Variants in ARMH1 observed in about 807,000 individuals in gnomAD.
ARMH1 encodes the protein armadillo like helical domain containing 1.
A neutral mutation model predicts 50.2 loss-of-function variants in ARMH1; 34 were observed. The ratio of observed to expected loss-of-function variants is 0.68; its 90% CI spans 0.51 to 0.90. The LOEUF (loss-of-function observed/expected upper bound fraction) is 0.90, where lower values mean the gene tolerates loss of function less well. Among genes scored for constraint, ARMH1 ranks in the 40% least tolerant of loss-of-function variants. The pLI is 0.00. For synonymous variants in ARMH1, 221 were observed against 224.2 expected (o/e 0.99, Z 0.13); for missense variants, 538 against 553.9 (o/e 0.97, Z 0.29).
intron 2 of ARMH1, among the ~76,000 whole-genome samples, chr1:44,696,618 G>A (rs1385968312): frequency 6.6e-6 from 1 of 152,184 alleles, no homozygotes; most frequent in Non-Finnish European, 1.5e-5. Context: ...TTATTAGGAA[G>A]CCAATTCTTC....
intron 1 of ARMH1, among the ~76,000 whole-genome samples, chr1:44,685,604 C>T (rs1035743278): frequency 6.6e-6 from 1 of 151,736 alleles, no homozygotes; most frequent in African/African-American, 2.4e-5. Context: ...AGCCACCATA[C>T]CTGGCCAGAT....
At chr1:44,677,846 A>G (rs1471952963) in intron 1 of ARMH1, among the ~76,000 whole-genome samples, 1 of 152,184 alleles carries the variant, frequency 6.6e-6, no homozygotes, top group African/African-American at 2.4e-5. Context: ...TGACCCTTGA[A>G]GTAGTAAGGG....
chr1:44,701,114 G>A lies in ARMH1; in HGVS notation c.634G>A (p.Ala212Thr). ...GCTGTCCCTGCAGACTCTCAGGACT[G>A]CCCAGGTGAGCCAAGGCTGCATGCT... ...QQLSLQTLRT[A>T]QPIIGTTHPS... The change falls in exon 5 of 12, where the codon GCC becomes ACC. Residue 212 changes from alanine to threonine, a missense_variant. Coordinates refer to ENST00000535358, the MANE Select transcript of ARMH1 (RefSeq NM_001145636.2). 1 of 1,546,684 alleles carries A rather than the reference G, an allele frequency of 6.5e-7. No homozygotes were observed. Among genetic ancestry groups the A allele is most frequent in the Admixed American group, 2.0e-5 (1 of 49,878 alleles).
At chr1:44,712,230 G>A (rs537669647) in intron 6 of ARMH1, among the ~76,000 whole-genome samples, 229 of 152,246 alleles carry the variant, frequency 1.5e-3, no homozygotes, top group African/African-American at 5.0e-3. Flanking sequence ...AATCCAAGGC[G>A]GGCGGATCAC....
rs1645599773 is a variant in ARMH1 at position 44,689,897 on chromosome 1, G to GA, written c.202dup (p.Ile68AsnfsTer6). The GA allele has an allele frequency of 6.5e-7, 1 of 1,549,442 alleles. No homozygotes were observed. ...CTGGTACGCTTGACCACCTCGCTTA[G>GA]AATCACGTATCCTTTACTGAACAGA... On this transcript the variant is annotated frameshift_variant, in exon 2 of 12. Coordinates refer to ENST00000535358, the MANE Select transcript of ARMH1 (RefSeq NM_001145636.2). LOFTEE classifies it high-confidence loss of function.
At position 44,682,350 on chromosome 1, in the gene ARMH1, A is replaced by G. The variant is rs1201163719; in HGVS notation, c.-22-7326A>G. On this transcript the variant is annotated intron_variant, in intron 1 of 11. Coordinates refer to ENST00000535358, the MANE Select transcript of ARMH1 (RefSeq NM_001145636.2). The surrounding 1 kb of genome is among the most constrained non-coding windows in gnomAD (Gnocchi z 4.5). ...ACTGCGGCAAGGTAGAGAGGGAAAG[A>G]CAGATGGCCTGACCTCAGAGGAGGA... 2.0e-5 allele frequency among the ~76,000 whole-genome samples: 3 copies of G among 152,208 alleles called. No homozygotes were observed. Among genetic ancestry groups the G allele is most frequent in the Admixed American group, 6.5e-5 (1 of 15,278 alleles).
At chr1:44,712,863 C>T (rs1048084572) in intron 6 of ARMH1, among the ~76,000 whole-genome samples, 10 of 151,910 alleles carry the variant, frequency 6.6e-5, no homozygotes, top group Admixed American at 2.6e-4. Flanking sequence ...AGGGTTTCAC[C>T]GTGTTGGTCA....
chr1:44,678,076 T>C (rs1363156942), intron 1 of ARMH1, among the ~76,000 whole-genome samples: 1 of 151,760 alleles, frequency 6.6e-6, no homozygotes, highest in African/African-American at 2.4e-5. Flanking sequence ...CTTAGCTGAT[T>C]GGGAAGAAGG....
rs1214897561 is a variant in ARMH1 at position 44,697,149 on chromosome 1, T to C, written c.254T>C (p.Ile85Thr). 6 of 1,552,092 alleles carry C rather than the reference T, an allele frequency of 3.9e-6. No homozygotes were observed. Among genetic ancestry groups the C allele is most frequent in the Non-Finnish European group, 5.2e-6 (6 of 1,146,900 alleles). The change falls in exon 3 of 12, where the codon ATC (isoleucine) becomes ACC (threonine). Residue 85 changes from isoleucine (I) to threonine (T), a missense_variant. Transcript: ENST00000535358. ...GAAAAGCTTCTCAGGTCCATTGGCA[T>C]CTTCTTATCAGCTGTAAGCAGGTGA... ...CLEKLLRSIG[I>T]FLSAVSSNRY...
rs982315539 is a variant in ARMH1, at chr1:44,681,053, G to A, written c.-23+6180G>A. 3.3e-4 allele frequency among the ~76,000 whole-genome samples: 49 copies of A among 147,594 alleles called. No homozygotes were observed. The highest frequency in any genetic ancestry group is 1.3e-3 in the African/African-American group (49 of 38,944). ...TCTGTCACCCAGGCTGGAGTGTAGT[G>A]GCGTGATCTCGGCTCACTGCAAGCT... On this transcript the variant is annotated intron_variant, in intron 1 of 11. Transcript: ENST00000535358. The surrounding 1 kb of genome is among the most constrained non-coding windows in gnomAD (Gnocchi z 4.3).
intron 2 of ARMH1, among the ~76,000 whole-genome samples, chr1:44,695,125 A>G (rs1413900289): frequency 1.3e-5 from 2 of 152,174 alleles, no homozygotes; most frequent in African/African-American, 4.8e-5. Context: ...ACAAGCCAGA[A>G]GGCCTAACAG....
At chr1:44,675,501 A>T (rs993030594) in intron 1 of ARMH1, among the ~76,000 whole-genome samples, 25 of 152,136 alleles carry the variant, frequency 1.6e-4, no homozygotes, top group Admixed American at 1.5e-3. Context: ...CTACAAAATT[A>T]AAATTTTAAA....
intron 2 of ARMH1, among the ~76,000 whole-genome samples, chr1:44,691,834 G>T (rs1645669984): frequency 6.6e-6 from 1 of 152,144 alleles, no homozygotes; most frequent in African/African-American, 2.4e-5. Context: ...GCCATTATGT[G>T]GAAGAGAACA....
At chr1:44,689,987 A>G (rs574062940) in intron 2 of ARMH1, 84 bp downstream of exon 2, 1 of 1,197,900 alleles carries the variant, frequency 8.3e-7, no homozygotes, top group East Asian at 2.6e-5. Flanking sequence ...TGGGAGGCCA[A>G]GGTGGGCAGA....
In ARMH1 at chr1:44,724,135, C is replaced by G. The variant is rs542737828; in HGVS notation, c.738C>G (p.Ile246Met). 5.1e-5 allele frequency: 79 copies of G among 1,551,664 alleles called. No individual in the cohort carries two copies. Among genetic ancestry groups the G allele is most frequent in the Non-Finnish European group, 6.8e-5 (78 of 1,146,946 alleles). ...LEVQYEAIEL[I>M]KDLVGYDVRQ... ...GCCCTTCCGCAGCCATCGAGTTGAT[C>G]AAAGACCTGGTCGGTTACGATGTGC... Residue 246 changes from isoleucine (I) to methionine (M), a missense_variant, in exon 7 of 12, where the codon ATC becomes ATG. By Grantham distance (10) the Ile-to-Met change is conservative. Transcript: ENST00000535358. The surrounding 1 kb of genome is among the most constrained non-coding windows in gnomAD (Gnocchi z 6.4).
Position 44,724,946 on chromosome 1 carries a change from C to G in ARMH1, c.1128+107C>G. On this transcript the variant is annotated intron_variant, in intron 10 of 11. Coordinates refer to ENST00000535358, the MANE Select transcript of ARMH1 (RefSeq NM_001145636.2). This position sits in a 1 kb window ranked among gnomAD's most constrained non-coding sequence, Gnocchi z 6.4. The stretch of plus-strand genomic sequence containing the variant: ...TGGAGCGCGCCACATGCAGAGTGGA[C>G]CTGGCCACCAGCTGCAGGAGGGACT... The G allele has an allele frequency of 6.7e-7, 1 of 1,499,118 alleles. No individual in the cohort carries two copies. The highest frequency in any genetic ancestry group is 8.9e-7 in the Non-Finnish European group (1 of 1,122,292). 92.9% of individuals were successfully genotyped at this position (1,499,118 alleles called of 1,614,324 possible). A position where few individuals can be genotyped will look rare whatever the true frequency, so the allele number is the denominator to read the frequency against.
chr1:44,725,375 T>C lies in ARMH1; in HGVS notation c.1295T>C (p.Phe432Ser), dbSNP rs1199563729. 1 of 1,551,636 alleles carries C rather than the reference T, an allele frequency of 6.4e-7. No individual in the cohort carries two copies. Among genetic ancestry groups the C allele is most frequent in the East Asian group, 2.4e-5 (1 of 40,908 alleles). The change falls in exon 12 of 12, where the codon TTC becomes TCC. Residue 432 changes from phenylalanine to serine, a missense_variant. Coordinates refer to ENST00000535358, the MANE Select transcript of ARMH1 (RefSeq NM_001145636.2). Reference sequence around the variant, plus strand: ...GCTCAGATGGCCTACCTCACACACTTCGAGGAGGATGTAGAATCAAAGGAG... The same window carrying C: ...GCTCAGATGGCCTACCTCACACACTCCGAGGAGGATGTAGAATCAAAGGAG... The part of the protein sequence containing the change: ...DSAQMAYLTH[F>S]EEDVESKE
rs575641425 is a variant in ARMH1 at position 44,701,075 on chromosome 1, C to T, written c.595C>T (p.Pro199Ser). The T allele has an allele frequency of 5.0e-5, 77 of 1,551,606 alleles. No individual in the cohort carries two copies. The highest frequency in any genetic ancestry group is 3.1e-5 in the Non-Finnish European group (36 of 1,146,982). ...AATAGCTTTGCTGCCCTGCGAGTCC[C>T]CAAAAGCCCAGCAGCTGTCCCTGCA... ...GLIALLPCES[P>S]KAQQLSLQTL... The change falls in exon 5 of 12, where the codon CCA (proline) becomes TCA (serine). Residue 199 changes from proline to serine, a missense_variant. Coordinates refer to ENST00000535358, the MANE Select transcript of ARMH1 (RefSeq NM_001145636.2).
chr1:44,691,294 T>G (rs1253773980), intron 2 of ARMH1, among the ~76,000 whole-genome samples: 1 of 151,982 alleles, frequency 6.6e-6, no homozygotes, highest in African/African-American at 2.4e-5. Flanking sequence ...TAAAGGTTGT[T>G]GAGTCTCCCT....
Sources: gnomAD v4.1 joint callset for allele counts (sites outside exome capture counted in the v4.1 genomes callset) on GRCh38, gnomAD v4.1.1 for gene constraint, Gnocchi (gnomAD v3.1) non-coding constraint, MANE v1.5 for transcripts, NCBI Gene and HGNC (gene_info 2026-07-23, HGNC 2026-07-21) for gene names.